LRRC8C: variants seen among roughly 807,000 people sequenced by gnomAD.
LRRC8C encodes the protein volume-regulated anion channel subunit LRRC8C.
Under a neutral mutation model 55.3 loss-of-function variants are expected in LRRC8C, and 20 were observed. The observed-to-expected ratio is 0.36, with a 90% CI of 0.25 to 0.53. The LOEUF (loss-of-function observed/expected upper bound fraction) is 0.53. Ranked by LOEUF, LRRC8C falls within the 20% of genes least tolerant of loss-of-function variation. LRRC8C has a pLI of 0.92. For missense variants in LRRC8C, 659 were observed against 951.4 expected (o/e 0.69, Z 4.04); for synonymous variants, 376 against 360.7 (o/e 1.04, Z -0.48).
At chr1:89,685,395 G>A (rs532482347) in intron 1 of LRRC8C, among the ~76,000 whole-genome samples, 15 of 152,152 alleles carry the variant, frequency 9.9e-5, no homozygotes, top group Admixed American at 5.9e-4. Flanking sequence ...GATTACAGGC[G>A]TGAGCCACCG....
chr1:89,682,108 C>T (rs562904136), intron 1 of LRRC8C, among the ~76,000 whole-genome samples: 6 of 152,182 alleles, frequency 3.9e-5, no homozygotes, highest in South Asian at 2.1e-4. Context: ...ACCCGGGAGG[C>T]GGAGCTTGCA....
chr1:89,662,796 TG>T (rs1182527287), intron 1 of LRRC8C, among the ~76,000 whole-genome samples: 1 of 152,158 alleles, frequency 6.6e-6, no homozygotes, highest in Non-Finnish European at 1.5e-5. Context: ...GCCCCCGCCA[TG>T]GGGTAGATAT....
chr1:89,702,017 G>GA (rs1477220310), intron 2 of LRRC8C, among the ~76,000 whole-genome samples: 1 of 152,098 alleles, frequency 6.6e-6, no homozygotes, highest in African/African-American at 2.4e-5. Flanking sequence ...AAAAGAAGCT[G>GA]AAAAAATATA....
At chr1:89,664,094 T>TTTTG (rs893659756) in intron 1 of LRRC8C, among the ~76,000 whole-genome samples, 15 of 152,196 alleles carry the variant, frequency 9.9e-5, no homozygotes, top group East Asian at 5.8e-4. Flanking sequence ...CTGATAACAG[T>TTTTG]TTTGTTTGTT....
At chr1:89,622,055 A>C in the LRRC8C span, among the ~76,000 whole-genome samples, 16 of 152,308 alleles carry the variant, frequency 1.1e-4, no homozygotes, top group Admixed American at 2.0e-4. Context: ...CAGATAAGCA[A>C]GACTGTTTAT....
rs886644066 is a variant in LRRC8C at position 89,718,397 on chromosome 1, G to A, written c.*3415G>A. ...ACAAAAATCTTCCTTGTATTTACTT[G>A]GGTTAAGTGAAGTCCAAATTCTTAC... On this transcript the variant is annotated 3_prime_UTR_variant, in exon 3 of 3. Coordinates refer to ENST00000370454, the MANE Select transcript of LRRC8C (RefSeq NM_032270.5). The A allele has an allele frequency of 6.6e-6, 1 of 151,990 alleles. No homozygotes were observed. The highest frequency in any genetic ancestry group is 1.5e-5 in the Non-Finnish European group (1 of 67,980). The allele number at this position is 151,990 out of a possible 1,614,324, so 9.4% of individuals were successfully genotyped here.
the LRRC8C span, among the ~76,000 whole-genome samples, chr1:89,619,421 T>C: frequency 6.7e-6 from 1 of 150,162 alleles, no homozygotes; most frequent in African/African-American, 2.4e-5. Flanking sequence ...TTAATAAAAA[T>C]AACAATTTAT....
intron 1 of LRRC8C, among the ~76,000 whole-genome samples, chr1:89,657,059 T>C (rs1179072714): frequency 1.3e-5 from 2 of 152,200 alleles, no homozygotes; most frequent in Non-Finnish European, 2.9e-5. Context: ...ATTGTAACTA[T>C]TTCATTATAT....
At chr1:89,637,647 T>G (rs1264220605) in intron 1 of LRRC8C, among the ~76,000 whole-genome samples, 1 of 152,090 alleles carries the variant, frequency 6.6e-6, no homozygotes. Context: ...CTTGGACATC[T>G]AGCACAGCAA....
chr1:89,635,684 GT>G (rs1251924340), intron 1 of LRRC8C, among the ~76,000 whole-genome samples: 3 of 152,138 alleles, frequency 2.0e-5, no homozygotes, highest in Non-Finnish European at 4.4e-5. Context: ...TCTGCCCAGC[GT>G]TTTCCATATA....
intron 1 of LRRC8C, among the ~76,000 whole-genome samples, chr1:89,633,653 G>A (rs1273179324): frequency 6.6e-6 from 1 of 152,192 alleles, no homozygotes; most frequent in South Asian, 2.1e-4. Flanking sequence ...GGTCCGCGAG[G>A]GGAAATGCGT....
At chr1:89,620,578 T>C in the LRRC8C span, among the ~76,000 whole-genome samples, 1 of 36,046 alleles carries the variant, frequency 2.8e-5, no homozygotes, top group Non-Finnish European at 5.0e-5. Flanking sequence ...AGATGATTTT[T>C]CAAAAAAAAA....
At chr1:89,633,783 G>T (rs1297490294) in intron 1 of LRRC8C, among the ~76,000 whole-genome samples, 1 of 152,192 alleles carries the variant, frequency 6.6e-6, no homozygotes, top group East Asian at 1.9e-4. Context: ...GCACTTTTGG[G>T]CAGGGAAAGG....
chr1:89,697,558 T>C (rs1658210193), intron 2 of LRRC8C, among the ~76,000 whole-genome samples: 1 of 152,222 alleles, frequency 6.6e-6, no homozygotes, highest in Admixed American at 6.5e-5. Flanking sequence ...TTTCAAATTC[T>C]TCAAACAACC....
chr1:89,705,733 T>G (rs560371232), intron 2 of LRRC8C, among the ~76,000 whole-genome samples: 1 of 152,078 alleles, frequency 6.6e-6, no homozygotes, highest in African/African-American at 2.4e-5. Context: ...TGAGCCAAGA[T>G]CACGCCACTG....
At chr1:89,683,318 T>A (rs1657778376) in intron 1 of LRRC8C, among the ~76,000 whole-genome samples, 1 of 151,884 alleles carries the variant, frequency 6.6e-6, no homozygotes, top group African/African-American at 2.4e-5. Flanking sequence ...TGTTACAAAA[T>A]CATGCATGTG....
intron 1 of LRRC8C, among the ~76,000 whole-genome samples, chr1:89,636,126 T>C (rs1211530605): frequency 1.3e-5 from 2 of 152,218 alleles, no homozygotes; most frequent in African/African-American, 4.8e-5. Flanking sequence ...TGAACCCTGG[T>C]TTCCTCTTGT....
rs577450938 is a variant in LRRC8C, at chr1:89,665,210, T to C, written c.-4-21260T>C. On this transcript the variant is annotated intron_variant, in intron 1 of 2. Transcript: ENST00000370454. ...AGAGGGTATCCTTGTCTTGTGCCAG[T>C]TTTCAAAGGGAATGCTTCCAGCTTT... 7.0e-4 allele frequency among the ~76,000 whole-genome samples: 107 copies of C among 152,324 alleles called. 2 individuals are homozygous for C. In the South Asian group the frequency reaches 0.021, roughly 30 times the overall value.
the LRRC8C span, among the ~76,000 whole-genome samples, chr1:89,624,452 A>T: frequency 6.6e-6 from 1 of 152,242 alleles, no homozygotes; most frequent in African/African-American, 2.4e-5. Flanking sequence ...TTCTGAAAGG[A>T]TGTCATGGAA....
Sources: allele counts gnomAD v4.1 joint callset (sites outside exome capture counted in the v4.1 genomes callset), GRCh38; gene constraint gnomAD v4.1.1; transcripts MANE v1.5; gene names NCBI Gene and HGNC (gene_info 2026-07-23, HGNC 2026-07-21).